Variants in CADPS observed in about 807,000 individuals in gnomAD.
CADPS encodes the protein calcium-dependent secretion activator 1.
Under a neutral mutation model 167.3 loss-of-function variants are expected in CADPS, and 57 were observed. The observed-to-expected ratio is 0.34, with a 90% confidence interval of 0.28 to 0.42. The LOEUF (loss-of-function observed/expected upper bound fraction) is 0.42. Ranked by LOEUF, CADPS falls within the 20% of genes least tolerant of loss-of-function variation. The pLI is 1.00. For missense variants in CADPS, 1,414 were observed against 1,738.1 expected (o/e 0.81, Z 3.32); for synonymous variants, 676 against 635.3 (o/e 1.06, Z -0.96).
intron 3 of CADPS, among the ~76,000 whole-genome samples, chr3:62,741,791 A>T (rs915040877): frequency 6.6e-6 from 1 of 152,178 alleles, no homozygotes; most frequent in Non-Finnish European, 1.5e-5. Context: ...AAGCAAGAGA[A>T]AGAAAAAAAG....
At chr3:62,515,002 G>A (rs1053562821) in intron 16 of CADPS, among the ~76,000 whole-genome samples, 16 of 152,096 alleles carry the variant, frequency 1.1e-4, no homozygotes, top group African/African-American at 3.6e-4. Context: ...AATTTGCATT[G>A]TCAGACAGAC....
intron 28 of CADPS, among the ~76,000 whole-genome samples, chr3:62,428,709 G>C (rs1250639292): frequency 6.6e-6 from 1 of 152,170 alleles, no homozygotes; most frequent in African/African-American, 2.4e-5. Flanking sequence ...TACATCCAGA[G>C]AGGAAGGGCT....
chr3:62,658,556 C>G (rs1353908350), intron 4 of CADPS, among the ~76,000 whole-genome samples: 1 of 152,136 alleles, frequency 6.6e-6, no homozygotes, highest in African/African-American at 2.4e-5. Flanking sequence ...ATAATAGCAT[C>G]TTTCTCATTA....
intron 4 of CADPS, among the ~76,000 whole-genome samples, chr3:62,660,848 C>T (rs537651608): frequency 1.1e-4 from 16 of 152,204 alleles, no homozygotes; most frequent in South Asian, 6.2e-4. Context: ...TTTTGATTAA[C>T]GGAGGCCCGT....
At chr3:62,774,219 C>G (rs1165795893) in intron 1 of CADPS, among the ~76,000 whole-genome samples, 2 of 152,082 alleles carry the variant, frequency 1.3e-5, no homozygotes, top group Non-Finnish European at 2.9e-5. Context: ...TTTCACCCTT[C>G]CGGCCACAAA....
At chr3:62,634,054 A>T (rs1465731756) in intron 6 of CADPS, among the ~76,000 whole-genome samples, 2 of 152,204 alleles carry the variant, frequency 1.3e-5, no homozygotes, top group Non-Finnish European at 2.9e-5. Context: ...CAGTATGGCC[A>T]ATCGTTGACA....
intron 1 of CADPS, chr3:62,796,231 G>C (rs2093397618): frequency 6.6e-6 from 1 of 152,140 alleles, no homozygotes; most frequent in African/African-American, 2.4e-5. Flanking sequence ...TTCTGATCTG[G>C]GTCAATTCAT....
intron 24 of CADPS, among the ~76,000 whole-genome samples, chr3:62,469,483 T>C (rs1295873457): frequency 6.6e-6 from 1 of 152,096 alleles, no homozygotes; most frequent in South Asian, 2.1e-4. Flanking sequence ...AAGAGGGAGC[T>C]TTACCATTTT....
intron 9 of CADPS, among the ~76,000 whole-genome samples, chr3:62,559,920 G>A (rs1176789932): frequency 1.3e-5 from 2 of 151,932 alleles, no homozygotes; most frequent in Non-Finnish European, 2.9e-5. Context: ...CACAACAGAA[G>A]GGTGTTATTT....
At chr3:62,599,524 ATATATAT>A (rs1406227686) in intron 6 of CADPS, among the ~76,000 whole-genome samples, 11 of 108,372 alleles carry the variant, frequency 1.0e-4, no homozygotes, top group Admixed American at 1.4e-4. Flanking sequence ...TATATATTAC[ATATATAT>A]TATATATATT....
chr3:62,493,814 C>T (rs1036518102), intron 18 of CADPS, 149 bp from the exon 19 acceptor site: 2 of 643,282 alleles, frequency 3.1e-6, no homozygotes, highest in Admixed American at 3.1e-5. Context: ...GCTGGCCTGT[C>T]AGCAAAAAAA....
At chr3:62,729,758 C>T (rs1575573513) in intron 3 of CADPS, among the ~76,000 whole-genome samples, 1 of 151,752 alleles carries the variant, frequency 6.6e-6, no homozygotes, top group African/African-American at 2.4e-5. Context: ...CCTTGTATAT[C>T]CTGCCTTTAA....
intron 3 of CADPS, among the ~76,000 whole-genome samples, chr3:62,692,005 C>T (rs528494365): frequency 3.9e-5 from 6 of 152,004 alleles, no homozygotes; most frequent in South Asian, 4.1e-4. Flanking sequence ...AAATTTATAA[C>T]TCCAGATGCA....
chr3:62,606,816 C>A lies in CADPS; in HGVS notation c.1326-14068G>T, dbSNP rs190641758. Among the ~76,000 whole-genome samples, 240 of 152,330 alleles carry A rather than the reference C, an allele frequency of 1.6e-3. 4 individuals are homozygous for A. The highest frequency in any genetic ancestry group is 0.015 in the Admixed American group (235 of 15,294). On this transcript the variant is annotated intron_variant, in intron 6 of 29. Coordinates refer to ENST00000383710, the MANE Select transcript of CADPS (RefSeq NM_003716.4). ...GAGCAAAGCCTCCTCCAGGTAGCTG[C>A]TATCCTTTCAGCCTGGATCCCAGAA...
chr3:62,399,613 G>C lies in CADPS; in HGVS notation c.3883-28C>G. ...AAGGAAGGAAAAGATACAGTGATAAGAGAGATCTCATCTCCATGATGGGGA... is the reference window on the plus strand; with the variant it reads ...AAGGAAGGAAAAGATACAGTGATAACAGAGATCTCATCTCCATGATGGGGA... On this transcript the variant is annotated intron_variant, in intron 29 of 29. Coordinates refer to ENST00000383710, the MANE Select transcript of CADPS (RefSeq NM_003716.4). This position sits in a 1 kb window ranked among gnomAD's most constrained non-coding sequence, Gnocchi z 5.6. The C allele has an allele frequency of 5.0e-6, 8 of 1,590,440 alleles. No individual in the cohort carries two copies. Among genetic ancestry groups the C allele is most frequent in the Non-Finnish European group, 6.9e-6 (8 of 1,159,568 alleles).
intron 3 of CADPS, among the ~76,000 whole-genome samples, chr3:62,751,103 A>C (rs146144099): frequency 6.6e-6 from 1 of 152,308 alleles, no homozygotes; most frequent in African/African-American, 2.4e-5. Flanking sequence ...CTACACTAAG[A>C]ATTTATTGCC....
intron 3 of CADPS, among the ~76,000 whole-genome samples, chr3:62,711,348 T>C (rs1008074119): frequency 2.0e-5 from 3 of 152,238 alleles, no homozygotes; most frequent in African/African-American, 7.2e-5. Flanking sequence ...TAAATGTTTC[T>C]GCTAGTATTA....
chr3:62,411,873 G>A (rs752016358), intron 28 of CADPS, among the ~76,000 whole-genome samples: 13 of 152,192 alleles, frequency 8.5e-5, no homozygotes, highest in African/African-American at 2.2e-4. Flanking sequence ...CTCCAAATGC[G>A]TTCAAGAACC....
intron 1 of CADPS, among the ~76,000 whole-genome samples, chr3:62,800,649 G>T (rs2093704470): frequency 6.6e-6 from 1 of 151,974 alleles, no homozygotes; most frequent in Non-Finnish European, 1.5e-5. Flanking sequence ...ATTTCTGCTG[G>T]GTTTTGAAGG....
Sources: allele counts gnomAD v4.1 joint callset (sites outside exome capture counted in the v4.1 genomes callset), GRCh38; gene constraint gnomAD v4.1.1; non-coding constraint Gnocchi (gnomAD v3.1); transcripts MANE v1.5; gene names NCBI Gene and HGNC (gene_info 2026-07-23, HGNC 2026-07-21).